The following ANOS1 variants were observed in gnomAD, a reference collection of about 807,000 sequenced individuals.
ANOS1 encodes the protein anosmin 1.
ANOS1 carries 6 observed loss-of-function variants against 59.0 expected under a neutral mutation model. That is an observed-to-expected ratio of 0.10 (90% CI 0.06 to 0.20). ANOS1 has a LOEUF of 0.20. Among genes scored for constraint, ANOS1 ranks in the 10% least tolerant of loss-of-function variants. The probability of loss-of-function intolerance (pLI) is 1.00; values close to 1 mark genes in which losing one functional copy is unlikely to be tolerated. For missense variants in ANOS1, 433 were observed against 542.3 expected (o/e 0.80, Z 2.00); for synonymous variants, 217 against 223.4 (o/e 0.97, Z 0.25).
At chrX:8,596,263 C>A (rs778712191) in intron 4 of ANOS1, among the ~76,000 whole-genome samples, 2 of 111,027 alleles carry the variant, frequency 1.8e-5, no homozygotes, top group East Asian at 5.7e-4. Context: ...TCCCTGTTGC[C>A]AAAAAGGTTG....
At chrX:8,564,551 C>T (rs1930080080) in intron 8 of ANOS1, among the ~76,000 whole-genome samples, 1 of 111,509 alleles carries the variant, frequency 9.0e-6, no homozygotes, top group Non-Finnish European at 1.9e-5. Context: ...ATGACGGATA[C>T]TGTGACCACA....
intron 2 of ANOS1, among the ~76,000 whole-genome samples, chrX:8,671,193 T>A (rs1281283536): frequency 8.9e-6 from 1 of 111,750 alleles, no homozygotes; most frequent in Non-Finnish European, 1.9e-5. Context: ...TAAGGCCCTG[T>A]CGCCAGGTGT....
Position 8,587,961 on chromosome X carries a change from T to C in ANOS1, c.559A>G (p.Arg187Gly), listed in dbSNP as rs1468950140. ...AGTTCTGTAAATCGTAACTCTTTTCTGGGCTTCAGGGGGACACCTGAAACA... is the reference window on the plus strand; with the variant it reads ...AGTTCTGTAAATCGTAACTCTTTTCCGGGCTTCAGGGGGACACCTGAAACA... ...TLYKGVPLKP[R>G]KELRFTELQS... Residue 187 changes from arginine (R) to glycine (G), a missense_variant, in exon 5 of 14, where the codon AGA (arginine) becomes GGA (glycine). Arg to Gly is a moderately radical substitution (Grantham distance 125). Coordinates refer to ENST00000262648, the MANE Select transcript of ANOS1 (RefSeq NM_000216.4). 1 of 1,209,258 alleles carries C rather than the reference T, an allele frequency of 8.3e-7. No homozygotes were observed. Among genetic ancestry groups the C allele is most frequent in the Middle Eastern group, 2.3e-4 (1 of 4,343 alleles).
At chrX:8,578,465 T>C (rs1211293486) in intron 6 of ANOS1, among the ~76,000 whole-genome samples, 1 of 111,537 alleles carries the variant, frequency 9.0e-6, no homozygotes, top group Non-Finnish European at 1.9e-5. Context: ...GAGTAAAAAG[T>C]CATGGGTCCC....
intron 4 of ANOS1, among the ~76,000 whole-genome samples, chrX:8,593,252 T>C (rs1445689917): frequency 8.9e-6 from 1 of 111,756 alleles, no homozygotes; most frequent in Non-Finnish European, 1.9e-5. Flanking sequence ...TAGTGTCACA[T>C]GGATCCTTGC....
chrX:8,719,083 A>T (rs1489335590), intron 1 of ANOS1, among the ~76,000 whole-genome samples: 2 of 112,175 alleles, frequency 1.8e-5, no homozygotes, highest in Non-Finnish European at 3.8e-5. Flanking sequence ...CCTCCTTGGC[A>T]TACTGGATTT....
At chrX:8,570,325 AACAGCCG>A (rs1179278070) in intron 7 of ANOS1, among the ~76,000 whole-genome samples, 167 bp downstream of exon 7, 1 of 111,597 alleles carries the variant, frequency 9.0e-6, no homozygotes, top group Non-Finnish European at 1.9e-5. Flanking sequence ...TAAAAGGCAA[AACAGCCG>A]GCATGCCCCT....
chrX:8,600,938 C>A (rs1930830067), intron 3 of ANOS1, among the ~76,000 whole-genome samples: 1 of 111,993 alleles, frequency 8.9e-6, no homozygotes, highest in African/African-American at 3.2e-5. Flanking sequence ...CGCCTGTAAT[C>A]CCAGCACTTT....
Position 8,646,932 on chromosome X carries a change from CAAAAAAAAAA to C in ANOS1, c.256-23272_256-23263del, listed in dbSNP as rs775821235. The stretch of plus-strand genomic sequence containing the variant: ...TGGGCTACAGAGTGCGAACCTGTCT[CAAAAAAAAAA>C]AAAAAAAAAAGAAGATTTCACAGGG... On this transcript the variant is annotated intron_variant, in intron 2 of 13. Coordinates refer to ENST00000262648, the MANE Select transcript of ANOS1 (RefSeq NM_000216.4). Among the ~76,000 whole-genome samples, 9 of 51,872 alleles carry C rather than the reference CAAAAAAAAAA, an allele frequency of 1.7e-4. No homozygotes were observed. The South Asian group carries it at 7.3e-3, about 42-fold the overall frequency. 45.0% of individuals were successfully genotyped at this position (51,872 alleles called of 115,157 possible).
At chrX:8,659,603 TTCC>T (rs1485805137) in intron 2 of ANOS1, among the ~76,000 whole-genome samples, 3 of 95,498 alleles carry the variant, frequency 3.1e-5, no homozygotes, top group African/African-American at 1.2e-4. Flanking sequence ...CCTTCCTTCC[TTCC>T]TTCCTTCCTT....
rs1365200096 is a variant in ANOS1 at position 8,568,365 on chromosome X, A to G, written c.1074T>C (p.Ser358=). The G allele has an allele frequency of 8.3e-6, 10 of 1,210,137 alleles. No homozygotes were observed. The highest frequency in any genetic ancestry group is 8.9e-6 in the Non-Finnish European group (8 of 894,122). ...RRKTTDGFQN[S]VILEKLQPDC... is the part of the protein sequence containing the mutation. ...CTGGCTGGAGTTTCTCCAGGATCAC[A>G]GAATTTTGAAACTAGAAATTAAGAG... is the stretch of plus-strand genomic sequence containing the variant. The change falls in exon 8 of 14, where the codon TCT becomes TCC. Residue 358 remains serine (S), a synonymous_variant. Coordinates refer to ENST00000262648, the MANE Select transcript of ANOS1 (RefSeq NM_000216.4).
At chrX:8,697,898 G>A (rs1932707511) in intron 2 of ANOS1, among the ~76,000 whole-genome samples, 3 of 111,604 alleles carry the variant, frequency 2.7e-5, no homozygotes, top group African/African-American at 6.5e-5. Context: ...ATGTGACTAC[G>A]GATTACCAGT....
chrX:8,555,623 A>C (rs1299089737), intron 8 of ANOS1, among the ~76,000 whole-genome samples: 1 of 111,974 alleles, frequency 8.9e-6, no homozygotes, highest in East Asian at 2.8e-4. Flanking sequence ...TAAACTAGAA[A>C]ATCTAGAAGA....
intron 4 of ANOS1, among the ~76,000 whole-genome samples, chrX:8,594,406 G>C (rs1930673453): frequency 9.4e-6 from 1 of 106,889 alleles, no homozygotes; most frequent in African/African-American, 3.4e-5. Context: ...CCTGGGGCTT[G>C]TGTACATCAG....
chrX:8,561,943 T>C (rs1160487205), intron 8 of ANOS1, among the ~76,000 whole-genome samples: 3 of 111,004 alleles, frequency 2.7e-5, no homozygotes, highest in East Asian at 5.7e-4. Context: ...TTCTTTCTTT[T>C]TTTTGTTTTT....
chrX:8,576,493 C>CAT (rs775460706), intron 6 of ANOS1, among the ~76,000 whole-genome samples: 22 of 98,802 alleles, frequency 2.2e-4, no homozygotes, highest in African/African-American at 8.1e-4. Flanking sequence ...CACACACATA[C>CAT]ACACACACAC....
intron 2 of ANOS1, among the ~76,000 whole-genome samples, chrX:8,661,796 T>G (rs1932043377): frequency 9.0e-6 from 1 of 111,539 alleles, no homozygotes; most frequent in Admixed American, 9.5e-5. Flanking sequence ...CTGTTACTTC[T>G]AGGAGCTTAA....
At chrX:8,675,597 C>T (rs1485768710) in intron 2 of ANOS1, among the ~76,000 whole-genome samples, 3 of 111,140 alleles carry the variant, frequency 2.7e-5, no homozygotes, top group East Asian at 2.8e-4. Context: ...CCATTTCATG[C>T]GTCTCTAAAG....
chrX:8,570,274 G>A (rs1392290104), intron 7 of ANOS1, among the ~76,000 whole-genome samples: 7 of 111,892 alleles, frequency 6.3e-5, no homozygotes, highest in East Asian at 5.6e-4. Context: ...TTAGATAGGA[G>A]TAGGTCAATG....
Sources: allele counts gnomAD v4.1 joint callset (sites outside exome capture counted in the v4.1 genomes callset), GRCh38; gene constraint gnomAD v4.1.1; transcripts MANE v1.5; gene names NCBI Gene and HGNC (gene_info 2026-07-23, HGNC 2026-07-21).